Variants in BRDT observed in about 807,000 individuals in gnomAD.
The protein encoded by BRDT is bromodomain testis-specific protein.
Under a neutral mutation model 113.9 loss-of-function variants are expected in BRDT, and 77 were observed. The observed-to-expected ratio is 0.68, with a 90% CI of 0.56 to 0.82. BRDT has a LOEUF of 0.82. Ranked by LOEUF, BRDT falls within the 40% of genes least tolerant of loss-of-function variation. The pLI is 0.00. For synonymous variants in BRDT, 358 were observed against 366.5 expected (o/e 0.98, Z 0.26); for missense variants, 1,027 against 1,105.4 (o/e 0.93, Z 1.01).
chr1:91,951,793 A>G lies in BRDT; in HGVS notation c.-38+2111A>G, dbSNP rs577915864. Among the ~76,000 whole-genome samples, 486 of 152,158 alleles carry G rather than the reference A, an allele frequency of 3.2e-3. 5 individuals are homozygous for G. Among genetic ancestry groups the G allele is most frequent in the African/African-American group, 0.011 (472 of 41,480 alleles). The stretch of plus-strand genomic sequence containing the variant: ...CAAAGTGGGGAAGGTGAGGTGGCTC[A>G]GGCCTGTAATCCCAGCACTTTGGCA... On this transcript the variant is annotated intron_variant, in intron 1 of 18. Transcript: ENST00000399546.
chr1:91,957,133 T>G (rs1340769918), intron 1 of BRDT, among the ~76,000 whole-genome samples: 1 of 152,178 alleles, frequency 6.6e-6, no homozygotes, highest in African/African-American at 2.4e-5. Context: ...TATTTATGAT[T>G]TGTGGGACAG....
intron 12 of BRDT, among the ~76,000 whole-genome samples, chr1:91,988,407 A>T (rs1157167025): frequency 6.0e-5 from 9 of 151,124 alleles, no homozygotes; most frequent in African/African-American, 1.5e-4. Flanking sequence ...TTATTTATTT[A>T]TTTATTTTTT....
At chr1:92,004,215 T>C (rs1362345595) in intron 16 of BRDT, among the ~76,000 whole-genome samples, 199 bp from the exon 17 acceptor site, 2 of 152,186 alleles carry the variant, frequency 1.3e-5, no homozygotes, top group East Asian at 3.8e-4. Context: ...TAATTGAGTT[T>C]AGATGATCTA....
intron 8 of BRDT, 63 bp downstream of exon 8, chr1:91,979,820 T>C: frequency 6.8e-7 from 1 of 1,475,948 alleles, no homozygotes; most frequent in Non-Finnish European, 9.1e-7. Flanking sequence ...CAGGAAATTT[T>C]TTCTGCAGAT....
intron 15 of BRDT, among the ~76,000 whole-genome samples, chr1:91,999,486 C>G (rs1206748556): frequency 6.6e-6 from 1 of 152,146 alleles, no homozygotes; most frequent in Non-Finnish European, 1.5e-5. Context: ...ATTTGCCTCC[C>G]TTTAGATGTT....
At chr1:91,994,511 A>G (rs5014048) in intron 15 of BRDT, among the ~76,000 whole-genome samples, 2 of 152,070 alleles carry the variant, frequency 1.3e-5, no homozygotes, top group African/African-American at 4.8e-5. Context: ...CCCAGATCTG[A>G]GCAGATCTGG....
At chr1:91,978,044 C>A in intron 6 of BRDT, 124 bp from the exon 7 acceptor site, 1 of 937,378 alleles carries the variant, frequency 1.1e-6, no homozygotes, top group Non-Finnish European at 1.5e-6. Context: ...TTTGTCAAAT[C>A]TGGATGGTGG....
chr1:91,983,816 G>T (rs1463667799), intron 12 of BRDT, among the ~76,000 whole-genome samples: 1 of 151,628 alleles, frequency 6.6e-6, no homozygotes, highest in African/African-American at 2.4e-5. Context: ...CAAGTAGCTG[G>T]GATTACAAGT....
At chr1:92,010,352 A>G (rs1242400787) in intron 18 of BRDT, among the ~76,000 whole-genome samples, 1 of 142,934 alleles carries the variant, frequency 7.0e-6, no homozygotes, top group Non-Finnish European at 1.5e-5. Context: ...GCTCACTGCA[A>G]CCTCTGCCTC....
At chr1:91,966,312 A>C (rs1313211156) in intron 3 of BRDT, among the ~76,000 whole-genome samples, 1 of 152,234 alleles carries the variant, frequency 6.6e-6, no homozygotes, top group African/African-American at 2.4e-5. Context: ...GAGTACACTG[A>C]ATTGTAATAG....
At chr1:91,953,994 CAG>C (rs1385902274) in intron 1 of BRDT, among the ~76,000 whole-genome samples, 10 of 151,548 alleles carry the variant, frequency 6.6e-5, no homozygotes, top group Admixed American at 5.3e-4. Flanking sequence ...TTTTTTGAGA[CAG>C]AGTCTCCCTC....
At chr1:91,979,034 A>AAG (rs1484269583) in intron 7 of BRDT, among the ~76,000 whole-genome samples, 2 of 150,358 alleles carry the variant, frequency 1.3e-5, no homozygotes, top group Non-Finnish European at 3.0e-5. Flanking sequence ...AACAAAAAAA[A>AAG]CCCTATATTA....
In BRDT at chr1:91,978,371, A is replaced by G. The variant is rs1201313300; in HGVS notation, c.1098+75A>G. 3.3e-6 allele frequency: 5 copies of G among 1,534,952 alleles called. No individual in the cohort carries two copies. In the African/African-American group the frequency reaches 5.5e-5, roughly 17 times the overall value. On this transcript the variant is annotated intron_variant, in intron 7 of 18. Coordinates refer to ENST00000399546, the MANE Select transcript of BRDT (RefSeq NM_207189.4). ...AAACGTTTTTTAGAACCATAATGTAAGAGATAAAGAATAATAACTCCTACA... is the reference window on the plus strand; with the variant it reads ...AAACGTTTTTTAGAACCATAATGTAGGAGATAAAGAATAATAACTCCTACA...
At position 91,978,590 on chromosome 1, in the gene BRDT, A is replaced by T. The variant is rs1684378728; in HGVS notation, c.1098+294A>T. Among the ~76,000 whole-genome samples, 4 of 152,160 alleles carry T rather than the reference A, an allele frequency of 2.6e-5. 1 individual carries two copies. The South Asian group carries it at 8.3e-4, about 32-fold the overall frequency. On this transcript the variant is annotated intron_variant, in intron 7 of 18. Coordinates refer to ENST00000399546, the MANE Select transcript of BRDT (RefSeq NM_207189.4). ...GGAAACTGGGGAAATATTAGTGAAG[A>T]GGGGATGTAGATAGATGATATATAG...
chr1:91,979,808 A>G, intron 8 of BRDT, 51 bp downstream of exon 8: 2 of 1,512,630 alleles, frequency 1.3e-6, no homozygotes, highest in Non-Finnish European at 1.8e-6. Flanking sequence ...CTGCTAATCT[A>G]TCAGGAAATT....
intron 15 of BRDT, among the ~76,000 whole-genome samples, chr1:91,999,229 T>C (rs1686618235): frequency 6.6e-6 from 1 of 152,084 alleles, no homozygotes; most frequent in Admixed American, 6.6e-5. Context: ...GCTGGGTTAA[T>C]AACCCAGGGA....
At chr1:91,980,574 T>G in intron 8 of BRDT, 69 bp from the exon 9 acceptor site, 27 of 1,302,324 alleles carry the variant, frequency 2.1e-5, no homozygotes, top group Admixed American at 5.8e-5. Flanking sequence ...TTGGAGTGGC[T>G]TGATTTTTTT....
intron 15 of BRDT, among the ~76,000 whole-genome samples, chr1:91,999,558 C>T (rs1686652626): frequency 6.6e-6 from 1 of 152,102 alleles, no homozygotes. Context: ...CAGAATTTCC[C>T]AACCATGTTT....
At chr1:92,002,010 A>G (rs1686896252) in intron 15 of BRDT, 39 bp from the exon 16 acceptor site, 1 of 1,422,446 alleles carries the variant, frequency 7.0e-7, no homozygotes, top group South Asian at 1.2e-5. Flanking sequence ...GTAGGATGAA[A>G]TATTTTAATT....
Sources: gnomAD v4.1 joint callset for allele counts (sites outside exome capture counted in the v4.1 genomes callset) on GRCh38, gnomAD v4.1.1 for gene constraint, MANE v1.5 for transcripts, NCBI Gene and HGNC (gene_info 2026-07-23, HGNC 2026-07-21) for gene names.